The following CAMTA1 variants were observed in gnomAD, a reference collection of about 807,000 sequenced individuals.
The protein encoded by CAMTA1 is calmodulin binding transcription activator 1, also known as calmodulin-binding transcription activator 1.
In CAMTA1, 27 loss-of-function variants were observed where a neutral mutation model predicts 170.9. The ratio of observed to expected loss-of-function variants is 0.16; its 90% CI spans 0.12 to 0.22. CAMTA1 has a LOEUF of 0.22. CAMTA1 is among the 10% of genes least tolerant of loss of function. The pLI, the probability that CAMTA1 is intolerant of heterozygous loss-of-function variation, is 1.00. For missense variants in CAMTA1, 1,619 were observed against 2,217.2 expected (o/e 0.73, Z 5.42); for synonymous variants, 833 against 891.5 (o/e 0.93, Z 1.17).
intron 6 of CAMTA1, among the ~76,000 whole-genome samples, chr1:7,536,351 CT>C (rs1163032742): frequency 6.6e-6 from 1 of 152,176 alleles, no homozygotes; most frequent in African/African-American, 2.4e-5. Context: ...CAGGGAGGGG[CT>C]TTGTGGCAAA....
intron 5 of CAMTA1, among the ~76,000 whole-genome samples, chr1:7,457,789 T>G (rs892563775): frequency 6.6e-6 from 1 of 152,136 alleles, no homozygotes; most frequent in Admixed American, 6.5e-5. Flanking sequence ...CTGTTCCCCA[T>G]TCGACGGCAC....
intron 5 of CAMTA1, among the ~76,000 whole-genome samples, chr1:7,355,220 AAAAG>A (rs2085008964): frequency 6.7e-6 from 1 of 150,068 alleles, no homozygotes; most frequent in African/African-American, 2.5e-5. Flanking sequence ...AAAAAAAAAA[AAAAG>A]AAAGAAAAAA....
At chr1:7,647,342 A>G (rs1299692481) in intron 7 of CAMTA1, among the ~76,000 whole-genome samples, 1 of 152,162 alleles carries the variant, frequency 6.6e-6, no homozygotes, top group Non-Finnish European at 1.5e-5. Context: ...TGATTATAGA[A>G]TATCAAGAAG....
intron 4 of CAMTA1, among the ~76,000 whole-genome samples, chr1:7,109,115 G>A (rs1643870941): frequency 6.6e-6 from 1 of 152,196 alleles, no homozygotes; most frequent in South Asian, 2.1e-4. Context: ...ACTACGAGAG[G>A]GTGAGCAAGA....
intron 3 of CAMTA1, among the ~76,000 whole-genome samples, chr1:6,851,579 A>G (rs1036436001): frequency 1.2e-4 from 18 of 152,186 alleles, no homozygotes; most frequent in African/African-American, 4.3e-4. Context: ...TAAGGAGAAC[A>G]TTTTAATAGT....
chr1:6,889,366 C>T (rs1557771306), intron 3 of CAMTA1, among the ~76,000 whole-genome samples: 1 of 152,172 alleles, frequency 6.6e-6, no homozygotes, highest in East Asian at 1.9e-4. Flanking sequence ...AGTTTCATGG[C>T]AAATAAATCA....
chr1:6,922,975 G>C (rs1039323964), intron 3 of CAMTA1, among the ~76,000 whole-genome samples: 5 of 152,172 alleles, frequency 3.3e-5, no homozygotes, highest in African/African-American at 1.2e-4. Flanking sequence ...GCACTTGTAT[G>C]AAGTGATAAA....
At chr1:7,751,484 T>TG in intron 20 of CAMTA1, 92 bp downstream of exon 20, 1 of 1,158,636 alleles carries the variant, frequency 8.6e-7, no homozygotes, top group South Asian at 1.7e-5. Flanking sequence ...CATTGGAGTC[T>TG]GGGGTGGGCC....
At chr1:6,939,555 C>T (rs919645837) in intron 3 of CAMTA1, among the ~76,000 whole-genome samples, 1 of 152,240 alleles carries the variant, frequency 6.6e-6, no homozygotes, top group Non-Finnish European at 1.5e-5. Flanking sequence ...AACCTGTCCT[C>T]CTGCCATGGC....
chr1:7,104,236 G>A (rs4908441), intron 4 of CAMTA1, among the ~76,000 whole-genome samples: 133,189 of 151,860 alleles, frequency 0.88, 58,706 homozygotes, highest in African/African-American at 0.96. Flanking sequence ...AACTACACAC[G>A]TGTACACACA....
At chr1:6,941,039 G>A (rs1398069260) in intron 3 of CAMTA1, among the ~76,000 whole-genome samples, 3 of 150,098 alleles carry the variant, frequency 2.0e-5, no homozygotes, top group African/African-American at 7.4e-5. Context: ...GACCCTCACA[G>A]GTAGGCATGA....
intron 5 of CAMTA1, among the ~76,000 whole-genome samples, chr1:7,371,150 A>G (rs1015644351): frequency 6.6e-6 from 1 of 151,786 alleles, no homozygotes; most frequent in Non-Finnish European, 1.5e-5. Context: ...TGACCTTGTG[A>G]TCCTCCTGCC....
In CAMTA1 at chr1:6,798,859, G is replaced by C. The variant is rs1025865815; in HGVS notation, c.45+13284G>C. 2.0e-5 allele frequency among the ~76,000 whole-genome samples: 3 copies of C among 151,974 alleles called. No homozygotes were observed. In the South Asian group the frequency reaches 6.2e-4, roughly 32 times the overall value. On this transcript the variant is annotated intron_variant, in intron 1 of 22. Transcript: ENST00000303635. ...GATCCGTCCGCCTCTGCCTCCCAAA[G>C]TGCTCGGATTACAGACGTTAGCCTC...
In CAMTA1 at chr1:7,680,809, C is replaced by CGG. The variant is rs70987361; in HGVS notation, c.2914+3084_2914+3085dup. 2.1e-4 allele frequency among the ~76,000 whole-genome samples: 20 copies of CGG among 95,772 alleles called. No individual in the cohort carries two copies. The highest frequency in any genetic ancestry group is 3.0e-4 in the Non-Finnish European group (14 of 46,502). The allele number at this position is 95,772 out of a possible 152,430, so 62.8% of individuals were successfully genotyped here. ...TGAATTTGTTTGCTTGGCTAAAGGC[C>CGG]GGGGGGGGGCGTGGGTCCGGGGCGC... On this transcript the variant is annotated intron_variant, in intron 11 of 22. Coordinates refer to ENST00000303635, the MANE Select transcript of CAMTA1 (RefSeq NM_015215.4). This position sits in a 1 kb window ranked among gnomAD's most constrained non-coding sequence, Gnocchi z 4.4.
At chr1:7,131,063 C>T (rs1177760188) in intron 4 of CAMTA1, among the ~76,000 whole-genome samples, 3 of 151,938 alleles carry the variant, frequency 2.0e-5, no homozygotes, top group Admixed American at 1.3e-4. Flanking sequence ...AAGCGATTCT[C>T]CTGCCTCAGC....
chr1:7,291,210 G>A (rs1253827559), intron 5 of CAMTA1, among the ~76,000 whole-genome samples: 1 of 152,092 alleles, frequency 6.6e-6, no homozygotes, highest in Non-Finnish European at 1.5e-5. Context: ...GGAAAGTTAG[G>A]GACGAAGACG....
chr1:7,117,553 C>T (rs565004268), intron 4 of CAMTA1, among the ~76,000 whole-genome samples: 1 of 152,214 alleles, frequency 6.6e-6, no homozygotes, highest in East Asian at 1.9e-4. Context: ...CTTCCAGTTA[C>T]CAGTGATTAA....
rs397761581 is a variant in CAMTA1, at chr1:7,157,394, A to AT, written c.302+66029dup. On this transcript the variant is annotated intron_variant, in intron 4 of 22. Coordinates refer to ENST00000303635, the MANE Select transcript of CAMTA1 (RefSeq NM_015215.4). ...ACAAAGAAACAAAAAACAAAAAAAA[A>AT]TTTTTTAGCAAGTTAGGGATAGAAG... Among the ~76,000 whole-genome samples, 790 of 150,990 alleles carry AT rather than the reference A, an allele frequency of 5.2e-3. 7 individuals carry two copies. Among genetic ancestry groups the AT allele is most frequent in the African/African-American group, 6.5e-3 (267 of 41,152 alleles).
intron 5 of CAMTA1, chr1:7,369,944 C>G (rs779718205): frequency 6.6e-6 from 1 of 152,200 alleles, no homozygotes; most frequent in African/African-American, 2.4e-5. Context: ...GAACTAAATT[C>G]GGGCTTATTC....
Sources: allele counts gnomAD v4.1 joint callset (sites outside exome capture counted in the v4.1 genomes callset), GRCh38; gene constraint gnomAD v4.1.1; non-coding constraint Gnocchi (gnomAD v3.1); transcripts MANE v1.5; gene names NCBI Gene and HGNC (gene_info 2026-07-23, HGNC 2026-07-21).